Variants in ECPAS observed in about 807,000 individuals in gnomAD.
The protein encoded by ECPAS is proteasome adapter and scaffold protein ECM29.
In ECPAS, 70 loss-of-function variants were observed where a neutral mutation model predicts 255.1. That is an observed-to-expected ratio of 0.27 (90% CI 0.23 to 0.33). The LOEUF is 0.33. Ranked by LOEUF, ECPAS falls within the 10% of genes least tolerant of loss-of-function variation. ECPAS has a pLI of 1.00. For missense variants in ECPAS, 1,817 were observed against 2,206.4 expected (o/e 0.82, Z 3.54); for synonymous variants, 784 against 775.0 (o/e 1.01, Z -0.19).
chr9:111,453,004 G>A (rs2098262333), intron 2 of ECPAS, among the ~76,000 whole-genome samples: 1 of 152,124 alleles, frequency 6.6e-6, no homozygotes, highest in African/African-American at 2.4e-5. Flanking sequence ...AACACTTTGA[G>A]AGACCAAGGA....
chr9:111,405,307 T>C (rs764210641), intron 24 of ECPAS, among the ~76,000 whole-genome samples: 2 of 149,624 alleles, frequency 1.3e-5, no homozygotes, highest in Admixed American at 6.6e-5. Context: ...AGAACATATA[T>C]TGAGGAAGGA....
At chr9:111,381,826 G>A (rs1589125540) in intron 35 of ECPAS, among the ~76,000 whole-genome samples, 1 of 152,004 alleles carries the variant, frequency 6.6e-6, no homozygotes, top group Non-Finnish European at 1.5e-5. Flanking sequence ...TTTGAATCAG[G>A]ATCCAAGCTC....
At chr9:111,467,346 A>G (rs2098280866) in intron 2 of ECPAS, among the ~76,000 whole-genome samples, 1 of 152,232 alleles carries the variant, frequency 6.6e-6, no homozygotes, top group African/African-American at 2.4e-5. Context: ...GTATACTATC[A>G]AAAGGAATAG....
intron 2 of ECPAS, among the ~76,000 whole-genome samples, chr9:111,461,005 C>G (rs1327163755): frequency 1.3e-5 from 2 of 151,242 alleles, no homozygotes; most frequent in African/African-American, 4.9e-5. Flanking sequence ...CTATCTCAAT[C>G]AATGAATGAG....
chr9:111,372,538 T>C lies in ECPAS; in HGVS notation c.4419A>G (p.Lys1473=), dbSNP rs1338005064. Residue 1473 remains lysine (K), a synonymous_variant, in exon 42 of 50, where the codon AAA becomes AAG. Transcript: ENST00000684092. Reference sequence around the variant, plus strand: ...CTAAAAATGCCAGAGGCAGGACTTCTTTTGCATGATTCTTTAATACATCAG... The same window carrying C: ...CTAAAAATGCCAGAGGCAGGACTTCCTTTGCATGATTCTTTAATACATCAG... The part of the protein sequence containing the change: ...YSPDVLKNHA[K]EVLPLAFLGM... 1 of 1,613,772 alleles carries C rather than the reference T, an allele frequency of 6.2e-7. No homozygotes were observed. The highest frequency in any genetic ancestry group is 8.5e-7 in the Non-Finnish European group (1 of 1,179,816).
At chr9:111,388,541 T>C (rs1030616177) in intron 31 of ECPAS, among the ~76,000 whole-genome samples, 9 of 151,602 alleles carry the variant, frequency 5.9e-5, no homozygotes, top group Non-Finnish European at 7.4e-5. Flanking sequence ...GTAAGGATCA[T>C]GGAATTTATT....
At chr9:111,420,937 G>A (rs899569352) in intron 15 of ECPAS, among the ~76,000 whole-genome samples, 5 of 152,170 alleles carry the variant, frequency 3.3e-5, no homozygotes, top group African/African-American at 1.2e-4. Flanking sequence ...AAAGAAATTA[G>A]CTTTGTCTTG....
intron 30 of ECPAS, 121 bp from the exon 31 acceptor site, chr9:111,389,844 A>G: frequency 8.2e-7 from 1 of 1,214,620 alleles, no homozygotes; most frequent in Non-Finnish European, 1.1e-6. Context: ...TTTCCAATCA[A>G]CAGCATTTGT....
chr9:111,388,637 T>C (rs1411766009), intron 31 of ECPAS, among the ~76,000 whole-genome samples: 2 of 151,910 alleles, frequency 1.3e-5, no homozygotes, highest in Admixed American at 6.6e-5. Context: ...TTTGCTACTA[T>C]GTAGATAATT....
At chr9:111,407,929 G>A (rs1270710586) in intron 24 of ECPAS, among the ~76,000 whole-genome samples, 1 of 152,198 alleles carries the variant, frequency 6.6e-6, no homozygotes, top group Admixed American at 6.5e-5. Context: ...AAGAACAAGA[G>A]ACATGATGGC....
chr9:111,482,976 C>T (rs2098308684), intron 1 of ECPAS, among the ~76,000 whole-genome samples: 1 of 152,224 alleles, frequency 6.6e-6, no homozygotes, highest in South Asian at 2.1e-4. Context: ...GCGGTTCGAC[C>T]GGCGACCCTC....
rs372133962 is a variant in ECPAS at position 111,371,633 on chromosome 9, C to G, written c.4725G>C (p.Thr1575=). Residue 1575 remains threonine, a synonymous_variant, in exon 43 of 50, where the codon ACG becomes ACC. Coordinates refer to ENST00000684092, the MANE Select transcript of ECPAS (RefSeq NM_001364929.1). ...TALLQGLAGR[T]WAGKEELLKA... is the part of the protein sequence containing the mutation. ...ATGGTTCCTTTACCTTTCCTGCCCA[C>G]GTTCTTCCAGCCAGGCCTTGCAGCA... 9 of 1,613,454 alleles carry G rather than the reference C, an allele frequency of 5.6e-6. No individual in the cohort carries two copies. In the African/African-American group the frequency reaches 1.1e-4, roughly 19 times the overall value.
chr9:111,371,671 T>C lies in ECPAS; in HGVS notation c.4687A>G (p.Ile1563Val). The change falls in exon 43 of 50, where the codon ATA becomes GTA. Residue 1563 changes from isoleucine (I) to valine (V), a missense_variant. This residue lies in a region of ECPAS where 960 missense variants were observed against 1,179.0 expected (regional missense o/e 0.81). Transcript: ENST00000684092. Reference protein sequence around the residue: ...SSLVPPYLGMILTALLQGLAG... With the variant: ...SSLVPPYLGMVLTALLQGLAG... ...AGGCCTTGCAGCAATGCGGTCAGTA[T>C]CATTCCGAGATATGGAGGTACTAGA... is the stretch of plus-strand genomic sequence containing the variant. 6.2e-7 allele frequency: 1 copy of C among 1,613,872 alleles called. No homozygotes were observed. The highest frequency in any genetic ancestry group is 1.1e-5 in the South Asian group (1 of 91,082).
chr9:111,458,948 G>A (rs901758975), intron 2 of ECPAS, among the ~76,000 whole-genome samples: 12 of 152,116 alleles, frequency 7.9e-5, no homozygotes, highest in East Asian at 7.7e-4. Context: ...GTTCTGACTC[G>A]TTCTAGCTAA....
intron 7 of ECPAS, among the ~76,000 whole-genome samples, chr9:111,435,092 TCTCA>T (rs1471889498): frequency 6.6e-6 from 1 of 151,346 alleles, no homozygotes; most frequent in African/African-American, 2.4e-5. Context: ...AGAGACGGGG[TCTCA>T]CTCTGTTGCT....
rs1037379687 is a variant in ECPAS at position 111,405,506 on chromosome 9, C to T, written c.2652+3065G>A. On this transcript the variant is annotated intron_variant, in intron 24 of 49. Coordinates refer to ENST00000684092, the MANE Select transcript of ECPAS (RefSeq NM_001364929.1). Reference sequence around the variant, plus strand: ...GGTCTGGGCATAGATTTCTCAAGATCATAAAAGCACAGACAACTAAAGCAA... The same window carrying T: ...GGTCTGGGCATAGATTTCTCAAGATTATAAAAGCACAGACAACTAAAGCAA... Among the ~76,000 whole-genome samples, 11 of 149,566 alleles carry T rather than the reference C, an allele frequency of 7.4e-5. 1 individual carries two copies. The highest frequency in any genetic ancestry group is 2.8e-4 in the African/African-American group (11 of 39,418).
rs771887469 is a variant in ECPAS, at chr9:111,384,589, G to A, written c.3634-20C>T. ...AGATTCCTAAAAATGACAAAAGTGT[G>A]ACATCATACAAGTTAGAGAGTTTCA... On this transcript the variant is annotated intron_variant, in intron 33 of 49. Transcript: ENST00000684092. 1 of 1,611,606 alleles carries A rather than the reference G, an allele frequency of 6.2e-7. No individual in the cohort carries two copies. Among genetic ancestry groups the A allele is most frequent in the Non-Finnish European group, 8.5e-7 (1 of 1,177,932 alleles).
rs2098311649 is a variant in ECPAS, at chr9:111,484,107, G to A, written c.-83+9C>T. 7.3e-7 allele frequency: 1 copy of A among 1,370,834 alleles called. No individual in the cohort carries two copies. The highest frequency in any genetic ancestry group is 9.4e-7 in the Non-Finnish European group (1 of 1,059,776). 84.9% of individuals were successfully genotyped at this position (1,370,834 alleles called of 1,614,324 possible). A position where few individuals can be genotyped will look rare whatever the true frequency, so the allele number is the denominator to read the frequency against. On this transcript the variant is annotated intron_variant, in intron 1 of 49. Transcript: ENST00000684092. ...CCAGTCCCCCGCGGCCCGGGGGCGG[G>A]CCTCTGACCTGAGTCGGAGCCGGTC...
chr9:111,409,774 T>C (rs2098191103), intron 23 of ECPAS, among the ~76,000 whole-genome samples: 1 of 152,160 alleles, frequency 6.6e-6, no homozygotes, highest in Admixed American at 6.5e-5. Context: ...AGATATTTCC[T>C]GATGAATTTA....
Sources: gnomAD v4.1 joint callset for allele counts (sites outside exome capture counted in the v4.1 genomes callset) on GRCh38, gnomAD v4.1.1 for gene constraint, gnomAD v4.1.1 regional missense constraint, MANE v1.5 for transcripts, NCBI Gene and HGNC (gene_info 2026-07-23, HGNC 2026-07-21) for gene names.